CNTNAP4: variants seen among roughly 807,000 people sequenced by gnomAD.
CNTNAP4 encodes contactin associated protein family member 4, also known as contactin-associated protein-like 4.
A neutral mutation model predicts 148.4 loss-of-function variants in CNTNAP4; 98 were observed. That is an observed-to-expected ratio of 0.66 (90% CI 0.56 to 0.78). The LOEUF (loss-of-function observed/expected upper bound fraction) is 0.78. Ranked by LOEUF, CNTNAP4 falls within the 30% of genes least tolerant of loss-of-function variation. The pLI, the probability that CNTNAP4 is intolerant of heterozygous loss-of-function variation, is 0.00. For synonymous variants in CNTNAP4, 730 were observed against 565.1 expected (o/e 1.29, Z -4.14); for missense variants, 1,935 against 1,565.6 (o/e 1.24, Z -3.98).
intron 1 of CNTNAP4, 44 bp downstream of exon 1, chr16:76,277,791 T>A (rs772019856): frequency 8.5e-7 from 1 of 1,171,620 alleles, no homozygotes; most frequent in Non-Finnish European, 1.2e-6. Flanking sequence ...GGGGGCTCTC[T>A]GCAAAACTTT....
At chr16:76,491,410 G>C (rs1233481723) in intron 13 of CNTNAP4, among the ~76,000 whole-genome samples, 1 of 152,180 alleles carries the variant, frequency 6.6e-6, no homozygotes, top group Non-Finnish European at 1.5e-5. Flanking sequence ...CTCAGTCTTT[G>C]TTTTCTTTTC....
intron 11 of CNTNAP4, among the ~76,000 whole-genome samples, chr16:76,478,615 A>G (rs1040728544): frequency 6.6e-6 from 1 of 152,204 alleles, no homozygotes; most frequent in African/African-American, 2.4e-5. Flanking sequence ...AGTTATCAGT[A>G]TATTTGGCCA....
chr16:76,421,536 T>C (rs1309725368), intron 3 of CNTNAP4, among the ~76,000 whole-genome samples: 2 of 152,116 alleles, frequency 1.3e-5, no homozygotes. Context: ...TTTCAGTAGT[T>C]CTTATTTCTG....
chr16:76,434,964 C>T (rs763633695), intron 4 of CNTNAP4, among the ~76,000 whole-genome samples: 2 of 152,092 alleles, frequency 1.3e-5, no homozygotes, highest in Non-Finnish European at 2.9e-5. Context: ...CTAAAATCAG[C>T]GTCAACTCAG....
intron 12 of CNTNAP4, among the ~76,000 whole-genome samples, chr16:76,489,183 G>A (rs959518081): frequency 6.6e-6 from 1 of 152,070 alleles, no homozygotes; most frequent in African/African-American, 2.4e-5. Context: ...AAAAGGGGCT[G>A]CTTACATTAT....
intron 3 of CNTNAP4, among the ~76,000 whole-genome samples, chr16:76,397,109 C>T (rs2078228791): frequency 6.6e-6 from 1 of 151,802 alleles, no homozygotes; most frequent in Non-Finnish European, 1.5e-5. Flanking sequence ...CACAAAGACC[C>T]AGGGGCCTAC....
intron 3 of CNTNAP4, among the ~76,000 whole-genome samples, chr16:76,363,491 C>T (rs1344695331): frequency 2.6e-5 from 4 of 152,002 alleles, no homozygotes; most frequent in Non-Finnish European, 4.4e-5. Context: ...CAAAAATTAA[C>T]TCAAAATGGG....
intron 15 of CNTNAP4, among the ~76,000 whole-genome samples, chr16:76,499,008 G>C (rs1409375965): frequency 6.6e-6 from 1 of 151,538 alleles, no homozygotes; most frequent in Admixed American, 6.6e-5. Flanking sequence ...TAATGCAGTT[G>C]AACTGTAAGT....
chr16:76,483,830 CTG>C (rs1453065994), intron 12 of CNTNAP4, among the ~76,000 whole-genome samples: 1 of 152,114 alleles, frequency 6.6e-6, no homozygotes, highest in Non-Finnish European at 1.5e-5. Flanking sequence ...TCACAAATGA[CTG>C]TGAAAGCATT....
intron 3 of CNTNAP4, among the ~76,000 whole-genome samples, chr16:76,372,063 C>T (rs2014885516): frequency 6.6e-6 from 1 of 152,048 alleles, no homozygotes; most frequent in Admixed American, 6.5e-5. Context: ...AACCGAATTT[C>T]CAATTCACCC....
At chr16:76,356,024 A>G (rs942277242) in intron 3 of CNTNAP4, among the ~76,000 whole-genome samples, 6 of 151,716 alleles carry the variant, frequency 4.0e-5, no homozygotes, top group African/African-American at 1.5e-4. Context: ...ATAGTCGCCC[A>G]CAACCACACC....
chr16:76,310,234 G>C (rs1355808385), intron 1 of CNTNAP4, among the ~76,000 whole-genome samples: 3 of 152,126 alleles, frequency 2.0e-5, no homozygotes, highest in African/African-American at 4.8e-5. Flanking sequence ...CGCCACCTGG[G>C]ATCCTGAAAT....
intron 23 of CNTNAP4, among the ~76,000 whole-genome samples, chr16:76,556,606 T>G (rs1319487698): frequency 6.6e-6 from 1 of 152,218 alleles, no homozygotes; most frequent in Non-Finnish European, 1.5e-5. Flanking sequence ...TTGTTCAGAA[T>G]CTTTCTCTTC....
intron 3 of CNTNAP4, among the ~76,000 whole-genome samples, chr16:76,365,949 T>G (rs950819279): frequency 6.6e-6 from 1 of 152,100 alleles, no homozygotes; most frequent in African/African-American, 2.4e-5. Flanking sequence ...GATTGGAAGT[T>G]GGGTTTATTA....
rs776797989 is a variant in CNTNAP4, at chr16:76,448,072, C to T, written c.599C>T (p.Ser200Phe). Residue 200 changes from serine to phenylalanine, a missense_variant, in exon 5 of 24, where the codon TCC (serine) becomes TTC (phenylalanine). Transcript: ENST00000611870. ...SSLLYRFDQKSLSPIKDIISL... is the reference protein window; with the variant it reads ...SSLLYRFDQKFLSPIKDIISL... ...CTTCTCTACAGATTTGATCAAAAAT[C>T]CCTGAGCCCAATAAAAGACATTATT... 6.2e-7 allele frequency: 1 copy of T among 1,613,670 alleles called. No homozygotes were observed. The highest frequency in any genetic ancestry group is 1.1e-5 in the South Asian group (1 of 91,070).
intron 2 of CNTNAP4, among the ~76,000 whole-genome samples, chr16:76,354,597 C>A (rs1331557670): frequency 6.6e-6 from 1 of 152,036 alleles, no homozygotes; most frequent in Non-Finnish European, 1.5e-5. Context: ...TTTAAATACT[C>A]TCATCATGGC....
At chr16:76,433,686 T>G (rs565376599) in intron 4 of CNTNAP4, among the ~76,000 whole-genome samples, 43 of 152,218 alleles carry the variant, frequency 2.8e-4, no homozygotes, top group Admixed American at 2.0e-4. Context: ...CCTGTCTGGT[T>G]AGGGGGAAGA....
chr16:76,506,763 A>G lies in CNTNAP4; in HGVS notation c.2365+8069A>G, dbSNP rs2082852222. On this transcript the variant is annotated intron_variant, in intron 15 of 23. Coordinates refer to ENST00000611870, the MANE Select transcript of CNTNAP4 (RefSeq NM_033401.5). ...TAGGACTACAGGCATGAGCCACCCC[A>G]CCTGCCTGGGTATGAGAATTGCTAA... Among the ~76,000 whole-genome samples, 3 of 94,420 alleles carry G rather than the reference A, an allele frequency of 3.2e-5. 1 individual carries two copies. Among genetic ancestry groups the G allele is most frequent in the South Asian group, 9.0e-4 (2 of 2,224 alleles). 61.9% of individuals were successfully genotyped at this position (94,420 alleles called of 152,430 possible). A position where few individuals can be genotyped will look rare whatever the true frequency, so the allele number is the denominator to read the frequency against.
chr16:76,395,128 A>G (rs532924111), intron 3 of CNTNAP4, among the ~76,000 whole-genome samples: 114 of 152,186 alleles, frequency 7.5e-4, no homozygotes, highest in Non-Finnish European at 1.4e-3. Context: ...ATGGAAGCCA[A>G]TTGGGAGGCA....
Sources: gnomAD v4.1 joint callset for allele counts (sites outside exome capture counted in the v4.1 genomes callset) on GRCh38, gnomAD v4.1.1 for gene constraint, MANE v1.5 for transcripts, NCBI Gene and HGNC (gene_info 2026-07-23, HGNC 2026-07-21) for gene names.